Variants in ATP9B observed in about 807,000 individuals in gnomAD.
The protein encoded by ATP9B is probable phospholipid-transporting ATPase IIB.
ATP9B carries 110 observed loss-of-function variants against 146.1 expected under a neutral mutation model. The ratio of observed to expected loss-of-function variants is 0.75; its 90% CI spans 0.65 to 0.88. The LOEUF is 0.88. ATP9B is among the 40% of genes least tolerant of loss of function. The pLI is 0.00. For missense variants in ATP9B, 1,499 were observed against 1,496.4 expected, an observed-to-expected ratio of 1.00 and a Z score of -0.03; for synonymous variants, 604 against 569.7, an observed-to-expected ratio of 1.06 and a Z score of -0.86.
At chr18:79,174,926 C>T (rs940322664) in intron 7 of ATP9B, among the ~76,000 whole-genome samples, 4 of 152,034 alleles carry the variant, frequency 2.6e-5, no homozygotes, top group Non-Finnish European at 5.9e-5. Flanking sequence ...TCAGGCCAGG[C>T]GTGGTGGCTC....
At chr18:79,265,423 C>T (rs1186554200) in intron 12 of ATP9B, among the ~76,000 whole-genome samples, 1 of 152,142 alleles carries the variant, frequency 6.6e-6, no homozygotes, top group Non-Finnish European at 1.5e-5. Flanking sequence ...GGATTACAAG[C>T]GTGAGCCACC....
chr18:79,222,034 C>T (rs908334762), intron 11 of ATP9B, among the ~76,000 whole-genome samples: 2 of 152,042 alleles, frequency 1.3e-5, no homozygotes, highest in African/African-American at 4.8e-5. Context: ...ACAGACATTT[C>T]CCACTTGCCT....
Position 79,330,008 on chromosome 18 carries a change from A to C in ATP9B, c.1936-4A>C. Reference sequence around the variant, plus strand: ...TGCCTCTGTTTATTTTTGTTCTTTGATAGGATGAATCCACGGCAGAAATCA... The same window carrying C: ...TGCCTCTGTTTATTTTTGTTCTTTGCTAGGATGAATCCACGGCAGAAATCA... On this transcript the variant is annotated splice_region_variant and splice_polypyrimidine_tract_variant and intron_variant, in intron 16 of 29. Coordinates refer to ENST00000426216, the MANE Select transcript of ATP9B (RefSeq NM_198531.5). The C allele has an allele frequency of 6.2e-7, 1 of 1,613,668 alleles. No individual in the cohort carries two copies. The highest frequency in any genetic ancestry group is 8.5e-7 in the Non-Finnish European group (1 of 1,179,580).
At chr18:79,375,285 C>A in intron 28 of ATP9B, 109 bp from the exon 29 acceptor site, 1 of 989,160 alleles carries the variant, frequency 1.0e-6, no homozygotes, top group Non-Finnish European at 1.6e-6. Flanking sequence ...GCTTGCACTG[C>A]CATTTTATTG....
At chr18:79,268,618 T>G (rs1330951248) in intron 12 of ATP9B, among the ~76,000 whole-genome samples, 2 of 152,188 alleles carry the variant, frequency 1.3e-5, no homozygotes, top group Non-Finnish European at 2.9e-5. Context: ...TACACCATTT[T>G]TGTCATTTAT....
At chr18:79,161,331 C>A (rs899703467) in intron 7 of ATP9B, among the ~76,000 whole-genome samples, 3 of 151,986 alleles carry the variant, frequency 2.0e-5, no homozygotes, top group African/African-American at 7.3e-5. Flanking sequence ...GTCGTGGATC[C>A]CTTTGAGAAT....
At chr18:79,307,404 C>G (rs1331608935) in intron 15 of ATP9B, 170 bp downstream of exon 15, 1 of 973,258 alleles carries the variant, frequency 1.0e-6, no homozygotes, top group Non-Finnish European at 1.5e-6. Flanking sequence ...CATGTAGCCT[C>G]TGACGTAGCC....
intron 1 of ATP9B, chr18:79,087,410 C>T (rs1455480779): frequency 1.3e-5 from 2 of 152,216 alleles, no homozygotes; most frequent in Non-Finnish European, 2.9e-5. Context: ...GTTTATGCAG[C>T]TTGCTGCTTA....
At chr18:79,341,952 T>C (rs1017160431) in intron 19 of ATP9B, among the ~76,000 whole-genome samples, 1 of 152,246 alleles carries the variant, frequency 6.6e-6, no homozygotes, top group Non-Finnish European at 1.5e-5. Context: ...CATCTAGTTC[T>C]TTCTCTGTGG....
chr18:79,328,059 T>C (rs376139808), intron 15 of ATP9B, among the ~76,000 whole-genome samples: 82 of 147,472 alleles, frequency 5.6e-4, no homozygotes, highest in Middle Eastern at 3.6e-3. Context: ...TCTCTCTGGT[T>C]AGCGTGCTCT....
chr18:79,114,064 G>A (rs769227795), intron 4 of ATP9B, among the ~76,000 whole-genome samples: 4 of 152,062 alleles, frequency 2.6e-5, no homozygotes, highest in Admixed American at 6.6e-5. Flanking sequence ...TCCGCCTCCC[G>A]GGTGCAAGCA....
intron 6 of ATP9B, 126 bp downstream of exon 6, chr18:79,143,986 A>G (rs2094546582): frequency 3.6e-6 from 2 of 554,588 alleles, no homozygotes; most frequent in Non-Finnish European, 6.0e-6. Context: ...ATCCTTGTGT[A>G]AGATTTGTTG....
chr18:79,245,905 CACCGCCCTACTGACTGT>C (rs2095950933), intron 11 of ATP9B, among the ~76,000 whole-genome samples: 1 of 102,982 alleles, frequency 9.7e-6, no homozygotes, highest in African/African-American at 3.9e-5. Context: ...CTGAGGAGGG[CACCGCCCTACTGACTGT>C]GCGGAGGGCA....
In ATP9B at chr18:79,253,368, G is replaced by GT; in HGVS notation, c.1108-8dup. ...TGGTTAGCTTGTTCATGTATTATGT[G>GT]TTTTTCTTTCAGGTTGGTTTGTTGG... On this transcript the variant is annotated splice_polypyrimidine_tract_variant and intron_variant, in intron 11 of 29. Coordinates refer to ENST00000426216, the MANE Select transcript of ATP9B (RefSeq NM_198531.5). 1 of 1,604,346 alleles carries GT rather than the reference G, an allele frequency of 6.2e-7. No homozygotes were observed. The highest frequency in any genetic ancestry group is 8.5e-7 in the Non-Finnish European group (1 of 1,177,182).
Position 79,347,754 on chromosome 18 carries a change from T to G in ATP9B, c.2683-16T>G. The G allele has an allele frequency of 6.5e-7, 1 of 1,527,442 alleles. No individual in the cohort carries two copies. The allele number at this position is 1,527,442 out of a possible 1,614,324, so 94.6% of individuals were successfully genotyped here. ...GTCCGCCATGTTTGAAAAGGCCCCG[T>G]GTGCTTTTCTCTCAGGAGGGTAAAC... is the stretch of plus-strand genomic sequence containing the variant. On this transcript the variant is annotated splice_polypyrimidine_tract_variant and intron_variant, in intron 23 of 29. Coordinates refer to ENST00000426216, the MANE Select transcript of ATP9B (RefSeq NM_198531.5).
At chr18:79,289,469 C>A (rs2096479688) in intron 13 of ATP9B, among the ~76,000 whole-genome samples, 1 of 152,200 alleles carries the variant, frequency 6.6e-6, no homozygotes, top group African/African-American at 2.4e-5. Flanking sequence ...GCTCCATCAG[C>A]TCCTTTAAGC....
chr18:79,277,358 CT>C (rs1244733759), intron 13 of ATP9B, 162 bp downstream of exon 13: 3 of 770,304 alleles, frequency 3.9e-6, no homozygotes, highest in Non-Finnish European at 6.0e-6. Context: ...ACTCTTGAAA[CT>C]GTCACACAGC....
chr18:79,340,536 C>T (rs1451825659), intron 19 of ATP9B: 1 of 152,150 alleles, frequency 6.6e-6, no homozygotes, highest in South Asian at 2.1e-4. Flanking sequence ...AGCAGATAAT[C>T]AGTACACTGT....
intron 7 of ATP9B, among the ~76,000 whole-genome samples, chr18:79,159,119 TCTAC>T (rs1277241628): frequency 6.6e-6 from 1 of 152,242 alleles, no homozygotes; most frequent in East Asian, 1.9e-4. Context: ...TGTCATACTT[TCTAC>T]CTATTTGTGT....
Sources: gnomAD v4.1 joint callset for allele counts (sites outside exome capture counted in the v4.1 genomes callset) on GRCh38, gnomAD v4.1.1 for gene constraint, MANE v1.5 for transcripts, NCBI Gene and HGNC (gene_info 2026-07-23, HGNC 2026-07-21) for gene names.